Variants in TP53BP2 observed in about 807,000 individuals in gnomAD.
The protein encoded by TP53BP2 is tumor protein p53 binding protein 2, also known as apoptosis-stimulating of p53 protein 2.
A neutral mutation model predicts 126.2 loss-of-function variants in TP53BP2; 62 were observed. The observed-to-expected ratio is 0.49, with a 90% CI of 0.40 to 0.61. The LOEUF (loss-of-function observed/expected upper bound fraction) is 0.61, where lower values mean the gene tolerates loss of function less well. TP53BP2 is among the 20% of genes least tolerant of loss of function. The pLI is 0.00. For synonymous variants in TP53BP2, 485 were observed against 502.9 expected (o/e 0.96, Z 0.48); for missense variants, 1,215 against 1,402.8 (o/e 0.87, Z 2.14).
chr1:223,801,968 A>C (rs905294660), intron 9 of TP53BP2, 148 bp downstream of exon 9: 6 of 729,700 alleles, frequency 8.2e-6, no homozygotes, highest in Non-Finnish European at 1.3e-5. Flanking sequence ...TTAATTTTTT[A>C]AACGTCTCAT....
intron 1 of TP53BP2, among the ~76,000 whole-genome samples, chr1:223,834,182 C>T (rs1982612): frequency 0.14 from 21,019 of 152,096 alleles, 2,040 homozygotes; most frequent in African/African-American, 0.26. Context: ...ATAAGGAGTA[C>T]GGACTTTATT....
chr1:223,819,339 T>C (rs1663213802), intron 2 of TP53BP2, among the ~76,000 whole-genome samples: 1 of 151,928 alleles, frequency 6.6e-6, no homozygotes, highest in Non-Finnish European at 1.5e-5. Context: ...CTTCTTCCTC[T>C]ATGAAAATGA....
rs918581799 is a variant in TP53BP2, at chr1:223,796,851, G to A, written c.1949-261C>T. Among the ~76,000 whole-genome samples the A allele has an allele frequency of 6.6e-6, 1 of 152,136 alleles. No individual in the cohort carries two copies. The highest frequency in any genetic ancestry group is 2.4e-5 in the African/African-American group (1 of 41,434). ...CATGAAACAATAAGAAAATGTTGCCGTTTTAAGAAATCACTGTAGCATCCA... is the reference window on the plus strand; with the variant it reads ...CATGAAACAATAAGAAAATGTTGCCATTTTAAGAAATCACTGTAGCATCCA... On this transcript the variant is annotated intron_variant, in intron 12 of 17. Transcript: ENST00000343537. The surrounding 1 kb of genome is among the most constrained non-coding windows in gnomAD (Gnocchi z 4.2).
intron 12 of TP53BP2, 99 bp downstream of exon 12, chr1:223,798,116 A>G (rs1045701315): frequency 6.8e-6 from 8 of 1,172,234 alleles, no homozygotes; most frequent in Non-Finnish European, 7.2e-6. Context: ...CCTTAGCGTC[A>G]GTCAAAATAG....
chr1:223,820,273 A>G (rs925931813), intron 2 of TP53BP2, among the ~76,000 whole-genome samples: 1 of 152,246 alleles, frequency 6.6e-6, no homozygotes, highest in Admixed American at 6.5e-5. Context: ...ATAAGAGCAA[A>G]GACAAAGAAT....
chr1:223,789,042 C>G lies in TP53BP2; in HGVS notation c.3129G>C (p.Glu1043Asp). 1 of 1,614,188 alleles carries G rather than the reference C, an allele frequency of 6.2e-7. No homozygotes were observed. Among genetic ancestry groups the G allele is most frequent in the Non-Finnish European group, 8.5e-7 (1 of 1,180,014 alleles). The change falls in exon 16 of 18, where the codon GAG becomes GAC. Residue 1043 changes from glutamate (E) to aspartate (D), a missense_variant. Transcript: ENST00000343537. ...QTAADKCEEMEEGYTQCSQFL... is the reference protein window; with the variant it reads ...QTAADKCEEMDEGYTQCSQFL... ...ATTGGGAGCACTGAGTGTAGCCTTC[C>G]TCCATTTCCTCGCACTTATCTGCAG...
In TP53BP2 at chr1:223,796,500, G is replaced by A. The variant is rs759626719; in HGVS notation, c.2039C>T (p.Pro680Leu). The A allele has an allele frequency of 1.4e-5, 23 of 1,614,052 alleles. No homozygotes were observed. Among genetic ancestry groups the A allele is most frequent in the Non-Finnish European group, 1.9e-5 (23 of 1,180,022 alleles). The change falls in exon 13 of 18, where the codon CCA becomes CTA. Residue 680 changes from proline to leucine, a missense_variant. Pro to Leu is a moderately conservative substitution (Grantham distance 98). This residue lies in a region of TP53BP2 where 814 missense variants were observed against 853.0 expected (regional missense o/e 0.95). Coordinates refer to ENST00000343537, the MANE Select transcript of TP53BP2 (RefSeq NM_001031685.3). The surrounding 1 kb of genome is among the most constrained non-coding windows in gnomAD (Gnocchi z 4.2). ...YSNSQGKPGS[P>L]EPETEPVSSV... Reference sequence around the variant, plus strand: ...AGAAACAGGCTCTGTTTCAGGTTCTGGACTGCCAGGCTTGCCCTGGCTATT... The same window carrying A: ...AGAAACAGGCTCTGTTTCAGGTTCTAGACTGCCAGGCTTGCCCTGGCTATT...
chr1:223,820,553 G>C (rs1333170351), intron 2 of TP53BP2, among the ~76,000 whole-genome samples: 1 of 152,178 alleles, frequency 6.6e-6, no homozygotes, highest in Non-Finnish European at 1.5e-5. Context: ...TGGGGGCTCA[G>C]CTGAAGTTAG....
intron 17 of TP53BP2, among the ~76,000 whole-genome samples, chr1:223,781,754 CA>C (rs1453894214): frequency 2.6e-5 from 4 of 151,972 alleles, no homozygotes; most frequent in African/African-American, 9.7e-5. Context: ...TTAGCTAATA[CA>C]ATTTTCTAGA....
Position 223,845,926 on chromosome 1 carries a change from C to G in TP53BP2, c.-246G>C, listed in dbSNP as rs961390073. The G allele has an allele frequency of 3.2e-5, 8 of 249,896 alleles. No homozygotes were observed. Among genetic ancestry groups the G allele is most frequent in the Admixed American group, 2.8e-4 (5 of 17,996 alleles). 15.5% of individuals were successfully genotyped at this position (249,896 alleles called of 1,614,324 possible). ...TCTTCGACGCTCGTGACGGTCGGGG[C>G]TCCCTCCTCCGCTCCGAAACCAACT... On this transcript the variant is annotated 5_prime_UTR_variant, in exon 1 of 18. Transcript: ENST00000343537.
intron 1 of TP53BP2, among the ~76,000 whole-genome samples, chr1:223,842,737 T>C (rs73114418): frequency 0.018 from 2,746 of 152,334 alleles, 91 homozygotes; most frequent in African/African-American, 0.062. Flanking sequence ...GAATAAAAGA[T>C]ATCTAATGTA....
intron 1 of TP53BP2, among the ~76,000 whole-genome samples, chr1:223,831,377 G>A (rs570228656): frequency 7.4e-4 from 102 of 138,268 alleles, no homozygotes; most frequent in African/African-American, 2.5e-3. Context: ...CAGCTTGGGC[G>A]ACAGAGCAAG....
Position 223,795,838 on chromosome 1 carries a change from T to C in TP53BP2, c.2701A>G (p.Thr901Ala), listed in dbSNP as rs576744388. Residue 901 changes from threonine (T) to alanine (A), a missense_variant, in exon 13 of 18, where the codon ACC becomes GCC. By Grantham distance (58) the Thr-to-Ala change is moderately conservative. This residue lies in a region of TP53BP2 where 204 missense variants were observed against 225.7 expected (regional missense o/e 0.90). Coordinates refer to ENST00000343537, the MANE Select transcript of TP53BP2 (RefSeq NM_001031685.3). ...ACAGGAGGCAGAGAGACCTGCCCGGTGATTTCAGGCGGGCGCATGCTCACC... is the reference window on the plus strand; with the variant it reads ...ACAGGAGGCAGAGAGACCTGCCCGGCGATTTCAGGCGGGCGCATGCTCACC... ...DSVSMRPPEITGQVSLPPGKR... is the reference protein window; with the variant it reads ...DSVSMRPPEIAGQVSLPPGKR... 2.0e-5 allele frequency: 31 copies of C among 1,556,178 alleles called. No individual in the cohort carries two copies. The East Asian group carries it at 6.3e-4, about 32-fold the overall frequency.
chr1:223,823,215 G>C (rs193296628), intron 1 of TP53BP2, among the ~76,000 whole-genome samples: 1 of 152,170 alleles, frequency 6.6e-6, no homozygotes, highest in East Asian at 1.9e-4. Context: ...CAACTTAAAT[G>C]TCTCTGCCCA....
chr1:223,834,439 G>C (rs568300127), intron 1 of TP53BP2, among the ~76,000 whole-genome samples: 1 of 152,226 alleles, frequency 6.6e-6, no homozygotes, highest in Non-Finnish European at 1.5e-5. Context: ...ATAATGTAGA[G>C]TATTAATTTC....
rs1287062253 is a variant in TP53BP2, at chr1:223,795,852, C to T, written c.2687G>A (p.Arg896His). ...GACCTGCCCGGTGATTTCAGGCGGG[C>T]GCATGCTCACCGAGTCTTCTCCGGG... ...EGPGEDSVSM[R>H]PPEITGQVSL... Residue 896 changes from arginine to histidine, a missense_variant, in exon 13 of 18, where the codon CGC (arginine) becomes CAC (histidine). Transcript: ENST00000343537. The T allele has an allele frequency of 5.7e-6, 9 of 1,576,512 alleles. No homozygotes were observed. Among genetic ancestry groups the T allele is most frequent in the African/African-American group, 2.7e-5 (2 of 73,202 alleles).
intron 2 of TP53BP2, among the ~76,000 whole-genome samples, chr1:223,818,565 C>A (rs1442720166): frequency 6.7e-6 from 1 of 149,652 alleles, no homozygotes; most frequent in Non-Finnish European, 1.5e-5. Context: ...TCGGTGTTAT[C>A]ATTAAAAAAA....
chr1:223,818,611 C>T (rs1341350990), intron 2 of TP53BP2, among the ~76,000 whole-genome samples: 1 of 150,968 alleles, frequency 6.6e-6, no homozygotes, highest in Non-Finnish European at 1.5e-5. Flanking sequence ...TTGCTGTCAC[C>T]CAGGCTGGAG....
chr1:223,845,599 G>C, intron 1 of TP53BP2, 55 bp downstream of exon 1: 53 of 1,511,758 alleles, frequency 3.5e-5, no homozygotes, highest in South Asian at 3.0e-4. Flanking sequence ...ACCAGCCCCC[G>C]GCACGCGACC....
Sources: allele counts gnomAD v4.1 joint callset (sites outside exome capture counted in the v4.1 genomes callset), GRCh38; gene constraint gnomAD v4.1.1; regional missense constraint gnomAD v4.1.1; non-coding constraint Gnocchi (gnomAD v3.1); transcripts MANE v1.5; gene names NCBI Gene and HGNC (gene_info 2026-07-23, HGNC 2026-07-21).